ADGRF1: variants seen among roughly 807,000 people sequenced by gnomAD.
ADGRF1 encodes the protein adhesion G protein-coupled receptor F1.
Under a neutral mutation model 87.2 loss-of-function variants are expected in ADGRF1, and 85 were observed. The observed-to-expected ratio is 0.97, with a 90% CI of 0.82 to 1.17. The LOEUF (loss-of-function observed/expected upper bound fraction) is 1.17. Ranked by LOEUF, ADGRF1 falls within the 50% of genes most tolerant of loss-of-function variation. The probability of loss-of-function intolerance (pLI) is 0.00; values close to 1 mark genes in which losing one functional copy is unlikely to be tolerated. For synonymous variants in ADGRF1, 430 were observed against 408.8 expected (o/e 1.05, Z -0.63); for missense variants, 1,169 against 1,077.2 (o/e 1.09, Z -1.19).
At position 47,005,797 on chromosome 6, in the gene ADGRF1, T is replaced by G; in HGVS notation, c.2592+20A>C. 6.3e-7 allele frequency: 1 copy of G among 1,588,482 alleles called. No homozygotes were observed. The highest frequency in any genetic ancestry group is 8.6e-7 in the Non-Finnish European group (1 of 1,159,458). On this transcript the variant is annotated intron_variant, in intron 13 of 14. Transcript: ENST00000371253. The stretch of plus-strand genomic sequence containing the variant: ...ACTGGAACTTCATGTATTGGATTCA[T>G]GGCAGTAGGAGATAATTACCTTTTC...
At position 47,027,711 on chromosome 6, in the gene ADGRF1, T is replaced by C; in HGVS notation, c.120A>G (p.Lys40=). 1 of 1,604,664 alleles carries C rather than the reference T, an allele frequency of 6.2e-7. No individual in the cohort carries two copies. ...TGTCTAACAGAGCCTCACCTAGATGTTTTTTCTTATTCACAATGAGTTCTT... is the reference window on the plus strand; with the variant it reads ...TGTCTAACAGAGCCTCACCTAGATGCTTTTTCTTATTCACAATGAGTTCTT... ...TKKELIVNKK[K]HLGPVEEYQL... is the part of the protein sequence containing the mutation. The change falls in exon 3 of 15, where the codon AAA becomes AAG. Residue 40 remains lysine, a synonymous_variant. Transcript: ENST00000371253.
intron 6 of ADGRF1, 120 bp from the exon 7 acceptor site, chr6:47,020,909 A>G (rs1402293036): frequency 1.3e-6 from 1 of 749,610 alleles, no homozygotes; most frequent in Non-Finnish European, 2.3e-6. Flanking sequence ...CAAAGAAAAG[A>G]GACACAGTGG....
At chr6:47,019,780 C>CCTCTAAGCCACTTT in intron 7 of ADGRF1, 1 of 984,620 alleles carries the variant, frequency 1.0e-6, no homozygotes, top group Non-Finnish European at 1.2e-6. Context: ...ATTTCTCTGA[C>CCTCTAAGCCACTTT]CTCTAAGCCA....
chr6:47,013,939 C>T lies in ADGRF1; in HGVS notation c.927+742G>A, dbSNP rs116876564. On this transcript the variant is annotated intron_variant, in intron 9 of 14. Transcript: ENST00000371253. ...TATAAGGATGTGCTTACTTCCCTTT[C>T]GCCTCCCACCATGATTGTAAGTTTC... 7.1e-4 allele frequency: 109 copies of T among 153,716 alleles called. 2 individuals are homozygous for T. The East Asian group carries it at 0.016, about 23-fold the overall frequency. 9.5% of individuals were successfully genotyped at this position (153,716 alleles called of 1,614,324 possible).
Position 47,025,931 on chromosome 6 carries a change from T to A in ADGRF1, c.200A>T (p.Asn67Ile). 6.2e-7 allele frequency: 1 copy of A among 1,612,054 alleles called. No individual in the cohort carries two copies. The highest frequency in any genetic ancestry group is 8.5e-7 in the Non-Finnish European group (1 of 1,179,392). The change falls in exon 4 of 15, where the codon AAT (asparagine) becomes ATT (isoleucine). Residue 67 changes from asparagine (N) to isoleucine (I), a missense_variant. Coordinates refer to ENST00000371253, the MANE Select transcript of ADGRF1 (RefSeq NM_153840.4). ...TGGAGGCTTCAAGAGCTTCAGAAAATTTCTCAAATCTCTTTTCTCCTTGGA... is the reference window on the plus strand; with the variant it reads ...TGGAGGCTTCAAGAGCTTCAGAAAAATTCTCAAATCTCTTTTCTCCTTGGA... ...RDSKEKRDLR[N>I]FLKLLKPPLL... is the part of the protein sequence containing the mutation.
At chr6:47,028,637 G>A (rs1561879450) in intron 2 of ADGRF1, among the ~76,000 whole-genome samples, 2 of 152,172 alleles carry the variant, frequency 1.3e-5, no homozygotes, top group South Asian at 2.1e-4. Context: ...TCACTCAAGC[G>A]AGTGTAGACA....
intron 13 of ADGRF1, among the ~76,000 whole-genome samples, chr6:47,003,683 TCGAGTTGTCC>T (rs1779429579): frequency 6.6e-6 from 1 of 152,200 alleles, no homozygotes; most frequent in African/African-American, 2.4e-5. Context: ...TGTCCCTACT[TCGAGTTGTCC>T]CATCTTTCCA....
At chr6:47,041,437 C>A (rs1424232790) in intron 1 of ADGRF1, among the ~76,000 whole-genome samples, 1 of 152,152 alleles carries the variant, frequency 6.6e-6, no homozygotes, top group Non-Finnish European at 1.5e-5. Context: ...CCACCTTGAC[C>A]TTCTTTCTAT....
intron 13 of ADGRF1, among the ~76,000 whole-genome samples, chr6:47,005,091 A>AAGAAAT (rs1779482526): frequency 6.6e-6 from 1 of 152,228 alleles, no homozygotes; most frequent in Non-Finnish European, 1.5e-5. Context: ...TTATAAAATA[A>AAGAAAT]AGAAATTCTC....
In ADGRF1 at chr6:47,029,048, A is replaced by T; in HGVS notation, c.14T>A (p.Val5Glu). 6.2e-7 allele frequency: 1 copy of T among 1,614,054 alleles called. No individual in the cohort carries two copies. Among genetic ancestry groups the T allele is most frequent in the Middle Eastern group, 1.6e-4 (1 of 6,062 alleles). MKVG[V>E]LWLISFFTFT... is the part of the protein sequence containing the mutation. Reference sequence around the variant, plus strand: ...GGTGAAGAAAGAAATGAGCCACAGCACTCCAACTTTCATTTTCCCTGGACT... The same window carrying T: ...GGTGAAGAAAGAAATGAGCCACAGCTCTCCAACTTTCATTTTCCCTGGACT... The change falls in exon 2 of 15, where the codon GTG (valine) becomes GAG (glutamate). Residue 5 changes from valine (V) to glutamate (E), a missense_variant. By Grantham distance (121) the Val-to-Glu change is moderately radical. Transcript: ENST00000371253.
At chr6:47,036,570 G>T (rs1298369620) in intron 1 of ADGRF1, among the ~76,000 whole-genome samples, 5 of 152,164 alleles carry the variant, frequency 3.3e-5, no homozygotes, top group African/African-American at 4.8e-5. Flanking sequence ...GATTAAAGAT[G>T]TCACAAACTC....
intron 1 of ADGRF1, among the ~76,000 whole-genome samples, chr6:47,039,446 T>A (rs1464284742): frequency 6.6e-6 from 1 of 152,224 alleles, no homozygotes; most frequent in African/African-American, 2.4e-5. Context: ...AGGTCCCAGT[T>A]TCCATCAGCC....
At chr6:47,039,560 A>T (rs1267921968) in intron 1 of ADGRF1, among the ~76,000 whole-genome samples, 1 of 152,220 alleles carries the variant, frequency 6.6e-6, no homozygotes. Flanking sequence ...GGTTGAGTTT[A>T]TCAAGGCTTG....
chr6:47,027,016 T>C (rs1290295322), intron 3 of ADGRF1, among the ~76,000 whole-genome samples: 1 of 152,212 alleles, frequency 6.6e-6, no homozygotes, highest in East Asian at 1.9e-4. Flanking sequence ...AGTTTCACTA[T>C]CTGTAAAATA....
At chr6:47,038,976 A>G (rs1161955501) in intron 1 of ADGRF1, among the ~76,000 whole-genome samples, 1 of 152,224 alleles carries the variant, frequency 6.6e-6, no homozygotes, top group Admixed American at 6.5e-5. Context: ...GGAAAATATA[A>G]TCTGCTTAAC....
chr6:47,012,688 G>A (rs376906562), intron 9 of ADGRF1: 75 of 985,600 alleles, frequency 7.6e-5, no homozygotes, highest in Middle Eastern at 5.2e-4. Flanking sequence ...CTGAGAATGC[G>A]TTGTAAGATG....
At chr6:47,019,458 C>T (rs542795773) in intron 7 of ADGRF1, 54 of 710,576 alleles carry the variant, frequency 7.6e-5, no homozygotes, top group Non-Finnish European at 8.5e-5. Context: ...CCGAGGCAGG[C>T]GGATCACGAG....
At chr6:47,018,103 ATGACATT>A (rs1465798827) in intron 7 of ADGRF1, 1 of 227,288 alleles carries the variant, frequency 4.4e-6, no homozygotes, top group Non-Finnish European at 8.7e-6. Flanking sequence ...GTTTGGACAC[ATGACATT>A]TGACATCCCA....
intron 1 of ADGRF1, among the ~76,000 whole-genome samples, chr6:47,033,588 T>A (rs1004450337): frequency 2.0e-5 from 3 of 152,270 alleles, no homozygotes; most frequent in African/African-American, 7.2e-5. Flanking sequence ...CCTGTCCGTC[T>A]TGGCCTCACA....
Sources: gnomAD v4.1 joint callset for allele counts (sites outside exome capture counted in the v4.1 genomes callset) on GRCh38, gnomAD v4.1.1 for gene constraint, MANE v1.5 for transcripts, NCBI Gene and HGNC (gene_info 2026-07-23, HGNC 2026-07-21) for gene names.